The following KIAA1217 variants were observed in gnomAD, a reference collection of about 807,000 sequenced individuals.
The protein encoded by KIAA1217 is KIAA1217.
Under a neutral mutation model 163.9 loss-of-function variants are expected in KIAA1217, and 88 were observed. The ratio of observed to expected loss-of-function variants is 0.54; its 90% CI spans 0.45 to 0.64. KIAA1217 has a LOEUF of 0.64. Ranked by LOEUF, KIAA1217 falls within the 30% of genes least tolerant of loss-of-function variation. KIAA1217 has a pLI of 0.00. For synonymous variants in KIAA1217, 903 were observed against 923.1 expected, an observed-to-expected ratio of 0.98 and a Z score of 0.39; for missense variants, 2,372 against 2,475.0, an observed-to-expected ratio of 0.96 and a Z score of 0.88.
intron 3 of KIAA1217, among the ~76,000 whole-genome samples, chr10:24,400,997 A>T (rs1290703316): frequency 6.6e-6 from 1 of 151,510 alleles, no homozygotes; most frequent in Non-Finnish European, 1.5e-5. Context: ...ACACACACAC[A>T]CAGGCCCACT....
chr10:24,285,829 G>A (rs1238580732), intron 2 of KIAA1217, among the ~76,000 whole-genome samples: 3 of 152,136 alleles, frequency 2.0e-5, no homozygotes, highest in African/African-American at 7.2e-5. Context: ...TCCAATCCAT[G>A]AGCATGGAAT....
intron 1 of KIAA1217, among the ~76,000 whole-genome samples, chr10:23,707,227 G>T (rs1311670604): frequency 6.6e-6 from 1 of 152,124 alleles, no homozygotes; most frequent in Non-Finnish European, 1.5e-5. Context: ...TATAATATAG[G>T]GGTTTGGTCT....
At chr10:24,414,002 G>C (rs766251252) in intron 3 of KIAA1217, among the ~76,000 whole-genome samples, 35 of 152,160 alleles carry the variant, frequency 2.3e-4, no homozygotes, top group Admixed American at 1.7e-3. Flanking sequence ...GTACATGGTG[G>C]TATTCAAAAA....
intron 2 of KIAA1217, among the ~76,000 whole-genome samples, chr10:24,227,170 T>C (rs201816799): frequency 7.1e-6 from 1 of 141,538 alleles, no homozygotes; most frequent in African/African-American, 2.6e-5. Flanking sequence ...TTATTATCAT[T>C]ATTTTGAGAC....
intron 1 of KIAA1217, among the ~76,000 whole-genome samples, chr10:23,957,497 A>C (rs1844617450): frequency 6.6e-6 from 1 of 152,170 alleles, no homozygotes; most frequent in Non-Finnish European, 1.5e-5. Flanking sequence ...CAAGGCTGGC[A>C]GATCACCTGA....
chr10:24,240,304 T>TA (rs1314851834), intron 2 of KIAA1217, among the ~76,000 whole-genome samples: 5 of 152,282 alleles, frequency 3.3e-5, no homozygotes, highest in African/African-American at 1.2e-4. Context: ...CGTGTGAGGT[T>TA]AAAGCGGAGT....
At chr10:24,346,568 CTTTTTTTTTTT>C (rs1177259021) in intron 2 of KIAA1217, among the ~76,000 whole-genome samples, 3 of 121,022 alleles carry the variant, frequency 2.5e-5, no homozygotes, top group African/African-American at 9.4e-5. Context: ...TTTGTTGGCC[CTTTTTTTTTTT>C]TTTTTTTTTG....
rs67342339 is a variant in KIAA1217 at position 23,765,187 on chromosome 10, C to CTTTTTTTTTTTTTTTT, written c.-321+69963_-321+69978dup. The stretch of plus-strand genomic sequence containing the variant: ...TCTTTTGTTTTCCCTTTTTTGTTCT[C>CTTTTTTTTTTTTTTTT]TTTTTTTTTTTTTTTTTTTTTTTTT... On this transcript the variant is annotated intron_variant, in intron 1 of 18. Transcript: ENST00000376462. 8.6e-4 allele frequency among the ~76,000 whole-genome samples: 65 copies of CTTTTTTTTTTTTTTTT among 75,366 alleles called. 6 individuals carry two copies. The highest frequency in any genetic ancestry group is 2.9e-3 in the African/African-American group (50 of 17,158). 49.4% of individuals were successfully genotyped at this position (75,366 alleles called of 152,430 possible).
intron 16 of KIAA1217, among the ~76,000 whole-genome samples, chr10:24,533,858 G>C (rs146084469): frequency 3.1e-4 from 47 of 152,294 alleles, no homozygotes; most frequent in African/African-American, 1.1e-3. Flanking sequence ...ATGAAGGATG[G>C]CGTGCCAAGG....
intron 1 of KIAA1217, among the ~76,000 whole-genome samples, chr10:23,756,918 T>A (rs1833947417): frequency 6.6e-6 from 1 of 152,262 alleles, no homozygotes; most frequent in Non-Finnish European, 1.5e-5. Context: ...TAAACAATAC[T>A]GTCTGTATGA....
chr10:23,960,866 G>A (rs1844790480), intron 1 of KIAA1217, among the ~76,000 whole-genome samples: 1 of 152,160 alleles, frequency 6.6e-6, no homozygotes, highest in Non-Finnish European at 1.5e-5. Context: ...ATGAACTACT[G>A]TATCTAAGGA....
At chr10:23,944,133 T>G (rs115346914) in intron 1 of KIAA1217, among the ~76,000 whole-genome samples, 245 of 152,206 alleles carry the variant, frequency 1.6e-3, no homozygotes, top group African/African-American at 5.8e-3. Context: ...CATTAATAAA[T>G]GAATAAGTAG....
intron 2 of KIAA1217, among the ~76,000 whole-genome samples, chr10:24,120,479 T>A (rs1322176251): frequency 6.6e-6 from 1 of 152,242 alleles, no homozygotes; most frequent in Non-Finnish European, 1.5e-5. Context: ...TTCGTGCTTC[T>A]TGCTATGGGG....
chr10:23,716,018 T>A (rs1208915504), intron 1 of KIAA1217, among the ~76,000 whole-genome samples: 1 of 152,148 alleles, frequency 6.6e-6, no homozygotes, highest in Non-Finnish European at 1.5e-5. Context: ...ATGATACAAA[T>A]AGCATGTTTC....
At chr10:24,142,697 G>A (rs1396210301) in intron 2 of KIAA1217, among the ~76,000 whole-genome samples, 5 of 152,230 alleles carry the variant, frequency 3.3e-5, no homozygotes, top group Admixed American at 3.3e-4. Flanking sequence ...GAGAGTTGCT[G>A]TCAACCTTGA....
At chr10:24,033,073 C>T (rs1256622764) in intron 2 of KIAA1217, among the ~76,000 whole-genome samples, 1 of 152,146 alleles carries the variant, frequency 6.6e-6, no homozygotes, top group Non-Finnish European at 1.5e-5. Flanking sequence ...CAAAAAAGTT[C>T]CTCTTGGCAC....
At chr10:23,709,998 A>G (rs1837150335) in intron 1 of KIAA1217, among the ~76,000 whole-genome samples, 1 of 152,192 alleles carries the variant, frequency 6.6e-6, no homozygotes, top group Admixed American at 6.5e-5. Flanking sequence ...GTTGAGAGTG[A>G]GCAAATTGAA....
chr10:24,321,224 C>G (rs922992497), intron 2 of KIAA1217, among the ~76,000 whole-genome samples: 1 of 152,108 alleles, frequency 6.6e-6, no homozygotes, highest in Admixed American at 6.6e-5. Context: ...ACGTTCATAG[C>G]AGCATTATTC....
intron 2 of KIAA1217, among the ~76,000 whole-genome samples, chr10:24,080,257 A>G (rs2061496482): frequency 6.6e-6 from 1 of 152,172 alleles, no homozygotes; most frequent in South Asian, 2.1e-4. Flanking sequence ...CTGCTGGCTG[A>G]GCAGGACCTT....
Sources: allele counts gnomAD v4.1 joint callset (sites outside exome capture counted in the v4.1 genomes callset), GRCh38; gene constraint gnomAD v4.1.1; transcripts MANE v1.5; gene names NCBI Gene and HGNC (gene_info 2026-07-23, HGNC 2026-07-21).